The following ELL variants were observed in gnomAD, a reference collection of about 807,000 sequenced individuals.
The protein encoded by ELL is elongation factor for RNA polymerase II, also known as RNA polymerase II elongation factor ELL.
ELL carries 18 observed loss-of-function variants against 64.0 expected under a neutral mutation model. That is an observed-to-expected ratio of 0.28 (90% CI 0.19 to 0.42). The LOEUF (loss-of-function observed/expected upper bound fraction) is 0.42, where lower values mean the gene tolerates loss of function less well. Ranked by LOEUF, ELL falls within the 10% of genes least tolerant of loss-of-function variation. The probability of loss-of-function intolerance (pLI) is 1.00; values close to 1 mark genes in which losing one functional copy is unlikely to be tolerated. For synonymous variants in ELL, 399 were observed against 376.2 expected, an observed-to-expected ratio of 1.06 and a Z score of -0.70; for missense variants, 797 against 870.4, an observed-to-expected ratio of 0.92 and a Z score of 1.06.
At chr19:18,470,572 T>C (rs1485980347) in intron 2 of ELL, among the ~76,000 whole-genome samples, 1 of 152,180 alleles carries the variant, frequency 6.6e-6, no homozygotes, top group South Asian at 2.1e-4. Flanking sequence ...CTGATGGAAG[T>C]GTGGGGTTGT....
At chr19:18,486,240 C>A (rs1975413311) in intron 1 of ELL, among the ~76,000 whole-genome samples, 1 of 152,150 alleles carries the variant, frequency 6.6e-6, no homozygotes, top group African/African-American at 2.4e-5. Flanking sequence ...TAGCTCAGGG[C>A]CCCAAGGGCG....
rs1334309042 is a variant in ELL, at chr19:18,443,754, T to C, written c.*998A>G. The C allele has an allele frequency of 1.3e-5, 3 of 232,956 alleles. No individual in the cohort carries two copies. Among genetic ancestry groups the C allele is most frequent in the East Asian group, 6.0e-5 (1 of 16,540 alleles). 14.4% of individuals were successfully genotyped at this position (232,956 alleles called of 1,614,324 possible). On this transcript the variant is annotated 3_prime_UTR_variant, in exon 12 of 12. Transcript: ENST00000262809. ...TGCCCATGGGTCCCTGGGGCCTCCC[T>C]GACCCCATGGCGCCCAGCCCTCCAT... is the stretch of plus-strand genomic sequence containing the variant.
intron 8 of ELL, 39 bp from the exon 9 acceptor site, chr19:18,446,853 T>C: frequency 6.2e-7 from 1 of 1,611,564 alleles, no homozygotes; most frequent in Non-Finnish European, 8.5e-7. Context: ...TCTGCGCCCA[T>C]GGCACCGGTC....
At chr19:18,504,404 A>T (rs989167313) in intron 1 of ELL, among the ~76,000 whole-genome samples, 2 of 151,916 alleles carry the variant, frequency 1.3e-5, no homozygotes, top group African/African-American at 4.8e-5. Context: ...TTTCCCCTAC[A>T]TTTTCTACAG....
chr19:18,483,819 GGGACAA>G (rs901595466), intron 1 of ELL, among the ~76,000 whole-genome samples: 9 of 152,288 alleles, frequency 5.9e-5, no homozygotes, highest in African/African-American at 2.2e-4. Flanking sequence ...CTCCAAGGGA[GGGACAA>G]GCACCCTGCC....
intron 1 of ELL, among the ~76,000 whole-genome samples, chr19:18,514,784 A>C (rs1976095539): frequency 6.6e-6 from 1 of 152,204 alleles, no homozygotes; most frequent in Non-Finnish European, 1.5e-5. Flanking sequence ...AAGAGGCCAA[A>C]CCCAAAATGT....
rs141521733 is a variant in ELL, at chr19:18,490,743, G to A, written c.136-17861C>T. On this transcript the variant is annotated intron_variant, in intron 1 of 11. Coordinates refer to ENST00000262809, the MANE Select transcript of ELL (RefSeq NM_006532.4). ...CTGACGGCCCAGACAGCGCTGCCCC[G>A]TGCCACAACCCTCCTCCCCTCAAAT... is the stretch of plus-strand genomic sequence containing the variant. Among the ~76,000 whole-genome samples, 55 of 152,122 alleles carry A rather than the reference G, an allele frequency of 3.6e-4. No homozygotes were observed. The East Asian group carries it at 9.9e-3, about 27-fold the overall frequency.
At position 18,521,957 on chromosome 19, in the gene ELL, A is replaced by G. The variant is rs1976291519; in HGVS notation, c.99T>C (p.Ser33=). 1.2e-6 allele frequency: 2 copies of G among 1,609,906 alleles called. No homozygotes were observed. The highest frequency in any genetic ancestry group is 1.3e-5 in the African/African-American group (1 of 74,460). The change falls in exon 1 of 12, where the codon AGT becomes AGC. Residue 33 remains serine (S), a synonymous_variant. Transcript: ENST00000262809. ...GGTAGCTCTCGAAGGCCCTCAGGGC[A>G]CTGTCGGTGAGCTTCACGTGGAACA... ...VSVFHVKLTD[S]ALRAFESYRA...
At chr19:18,456,211 G>C (rs574868463) in intron 6 of ELL, among the ~76,000 whole-genome samples, 1 of 152,192 alleles carries the variant, frequency 6.6e-6, no homozygotes, top group South Asian at 2.1e-4. Context: ...CCACACACAG[G>C]ACAGAAGGAC....
chr19:18,465,368 C>G (rs781541257), intron 4 of ELL, 44 bp downstream of exon 4: 9 of 1,544,432 alleles, frequency 5.8e-6, no homozygotes, highest in Non-Finnish European at 7.9e-6. Flanking sequence ...CCGACACTGG[C>G]AGCTGCCCGG....
chr19:18,462,335 C>CTGTGGGCTGTGTGTGTGTGTGTGTG (rs1974841558), intron 4 of ELL, among the ~76,000 whole-genome samples: 1 of 64,982 alleles, frequency 1.5e-5, no homozygotes, highest in African/African-American at 1.1e-4. Flanking sequence ...CTCTAGTGGG[C>CTGTGGGCTGTGTGTGTGTGTGTGTG]TGTGTGTGTG....
At chr19:18,487,656 T>C (rs1236357227) in intron 1 of ELL, among the ~76,000 whole-genome samples, 2 of 152,200 alleles carry the variant, frequency 1.3e-5, no homozygotes, top group Non-Finnish European at 2.9e-5. Context: ...CGAGGACCCG[T>C]GCAGCTGCCT....
At chr19:18,477,595 C>T (rs1975204664) in intron 1 of ELL, among the ~76,000 whole-genome samples, 1 of 152,164 alleles carries the variant, frequency 6.6e-6, no homozygotes, top group Non-Finnish European at 1.5e-5. Context: ...CAGGAGCCAG[C>T]CCCGACACTG....
chr19:18,503,299 T>G (rs1021437956), intron 1 of ELL, among the ~76,000 whole-genome samples: 4 of 152,158 alleles, frequency 2.6e-5, no homozygotes, highest in African/African-American at 9.7e-5. Flanking sequence ...GAAAAGAAGG[T>G]GACAGAGTTT....
chr19:18,479,039 G>A (rs1379219528), intron 1 of ELL, among the ~76,000 whole-genome samples: 2 of 152,228 alleles, frequency 1.3e-5, no homozygotes, highest in African/African-American at 2.4e-5. Flanking sequence ...GAGCACTTCC[G>A]GGGATGAAGC....
intron 1 of ELL, among the ~76,000 whole-genome samples, chr19:18,473,879 C>A (rs1000297554): frequency 6.6e-6 from 1 of 152,098 alleles, no homozygotes; most frequent in African/African-American, 2.4e-5. Context: ...AGGCCTTGCT[C>A]CTGTCCTCAT....
At chr19:18,506,769 T>C (rs972256413) in intron 1 of ELL, among the ~76,000 whole-genome samples, 2 of 152,168 alleles carry the variant, frequency 1.3e-5, no homozygotes, top group Non-Finnish European at 2.9e-5. Context: ...GAACCTCACC[T>C]TGCACACCTA....
At chr19:18,487,711 G>C (rs1237034512) in intron 1 of ELL, among the ~76,000 whole-genome samples, 1 of 152,246 alleles carries the variant, frequency 6.6e-6, no homozygotes, top group East Asian at 1.9e-4. Flanking sequence ...TTCCTCTGGA[G>C]AGAATGAATC....
At chr19:18,514,672 A>T (rs1976093819) in intron 1 of ELL, among the ~76,000 whole-genome samples, 2 of 152,212 alleles carry the variant, frequency 1.3e-5, no homozygotes, top group South Asian at 4.1e-4. Context: ...ATTGAAGACA[A>T]CCCTGTCCAT....
Sources: allele counts gnomAD v4.1 joint callset (sites outside exome capture counted in the v4.1 genomes callset), GRCh38; gene constraint gnomAD v4.1.1; transcripts MANE v1.5; gene names NCBI Gene and HGNC (gene_info 2026-07-23, HGNC 2026-07-21).